UBE3B: variants seen among roughly 807,000 people sequenced by gnomAD.
The protein encoded by UBE3B is ubiquitin-protein ligase E3B.
Under a neutral mutation model 132.3 loss-of-function variants are expected in UBE3B, and 80 were observed. The ratio of observed to expected loss-of-function variants is 0.60; its 90% CI spans 0.50 to 0.73. The LOEUF is 0.73. Ranked by LOEUF, UBE3B falls within the 30% of genes least tolerant of loss-of-function variation. The pLI, the probability that UBE3B is intolerant of heterozygous loss-of-function variation, is 0.00. For synonymous variants in UBE3B, 487 were observed against 520.4 expected (o/e 0.94, Z 0.87); for missense variants, 1,196 against 1,362.5 (o/e 0.88, Z 1.92).
rs766063381 is a variant in UBE3B at position 109,501,388 on chromosome 12, A to G, written c.1136A>G (p.His379Arg). ...TCTCCTAGCCTTAACGAGTCAATGC[A>G]CTTGATCACCAAACAGCTGCAGTTC... is the stretch of plus-strand genomic sequence containing the variant. ...SVDYGLNESM[H>R]LITKQLQFLW... is the part of the protein sequence containing the mutation. Residue 379 changes from histidine to arginine, a missense_variant, in exon 13 of 28, where the codon CAC (histidine) becomes CGC (arginine). Transcript: ENST00000342494. The G allele has an allele frequency of 2.5e-6, 4 of 1,614,034 alleles. No homozygotes were observed. In the Admixed American group the frequency reaches 6.7e-5, roughly 27 times the overall value.
In UBE3B at chr12:109,497,798, G is replaced by A; in HGVS notation, c.714-20G>A. 3 of 1,613,584 alleles carry A rather than the reference G, an allele frequency of 1.9e-6. No homozygotes were observed. Among genetic ancestry groups the A allele is most frequent in the Non-Finnish European group, 2.5e-6 (3 of 1,179,598 alleles). On this transcript the variant is annotated intron_variant, in intron 9 of 27. Transcript: ENST00000342494. ...TGCACACGGAGACCTGTCTGAATGA[G>A]TGGATCTATCTGTGTCTAGCCCTGT...
the UBE3B span, among the ~76,000 whole-genome samples, chr12:109,546,831 T>A: frequency 6.6e-6 from 1 of 152,098 alleles, no homozygotes; most frequent in Admixed American, 6.6e-5. Context: ...CACCTCAGCC[T>A]CCCGAGTGGC....
chr12:109,501,281 C>A lies in UBE3B; in HGVS notation c.1119-90C>A. The A allele has an allele frequency of 1.1e-5, 16 of 1,521,632 alleles. No individual in the cohort carries two copies. The South Asian group carries it at 1.9e-4, about 18-fold the overall frequency. 94.3% of individuals were successfully genotyped at this position (1,521,632 alleles called of 1,614,324 possible). A position where few individuals can be genotyped will look rare whatever the true frequency, so the allele number is the denominator to read the frequency against. Reference sequence around the variant, plus strand: ...GAGTGCCAGGTCCTAGCTACAGCTCCGAGTGGAAGGCCATTAGGAACTGTG... The same window carrying A: ...GAGTGCCAGGTCCTAGCTACAGCTCAGAGTGGAAGGCCATTAGGAACTGTG... On this transcript the variant is annotated intron_variant, in intron 12 of 27. Coordinates refer to ENST00000342494, the MANE Select transcript of UBE3B (RefSeq NM_130466.4).
rs1319364619 is a variant in UBE3B at position 109,535,075 on chromosome 12, G to A, written c.*293G>A. On this transcript the variant is annotated 3_prime_UTR_variant, in exon 28 of 28. Coordinates refer to ENST00000342494, the MANE Select transcript of UBE3B (RefSeq NM_130466.4). ...CAGAGGGGCTTCTTTTAGCTAGTTT[G>A]ATCTTTTGGGAGTCTGTCTTTCCTT... 6 of 291,680 alleles carry A rather than the reference G, an allele frequency of 2.1e-5. No homozygotes were observed. The highest frequency in any genetic ancestry group is 1.3e-4 in the African/African-American group (6 of 46,244). 18.1% of individuals were successfully genotyped at this position (291,680 alleles called of 1,614,324 possible). A position where few individuals can be genotyped will look rare whatever the true frequency, so the allele number is the denominator to read the frequency against.
intron 24 of UBE3B, among the ~76,000 whole-genome samples, chr12:109,529,577 C>G (rs1176285733): frequency 2.6e-5 from 4 of 152,226 alleles, no homozygotes; most frequent in African/African-American, 9.6e-5. Flanking sequence ...GGGCCCTCTT[C>G]TTACGTGGGG....
intron 18 of UBE3B, among the ~76,000 whole-genome samples, chr12:109,511,927 T>A (rs1880420385): frequency 1.3e-5 from 2 of 151,746 alleles, no homozygotes; most frequent in African/African-American, 2.4e-5. Flanking sequence ...AGTCAAGAGA[T>A]TTTTAAGGAG....
At chr12:109,523,029 G>A (rs979145660) in intron 21 of UBE3B, among the ~76,000 whole-genome samples, 6 of 152,136 alleles carry the variant, frequency 3.9e-5, no homozygotes, top group African/African-American at 9.7e-5. Flanking sequence ...CCCAGGCCTC[G>A]CCTCTGTGTC....
chr12:109,512,596 G>A (rs952149761), intron 18 of UBE3B, among the ~76,000 whole-genome samples: 2 of 152,020 alleles, frequency 1.3e-5, no homozygotes, highest in Non-Finnish European at 2.9e-5. Flanking sequence ...TTTTTTTAAC[G>A]AAGTAGACAT....
downstream of UBE3B, among the ~76,000 whole-genome samples, chr12:109,541,682 A>G (rs1883615973): frequency 6.6e-6 from 1 of 152,156 alleles, no homozygotes; most frequent in Non-Finnish European, 1.5e-5. Context: ...ACGGAAATGT[A>G]TTCTCCTCGG....
chr12:109,537,831 C>T (rs1883510298), downstream of UBE3B, among the ~76,000 whole-genome samples: 1 of 152,120 alleles, frequency 6.6e-6, no homozygotes, highest in Non-Finnish European at 1.5e-5. Flanking sequence ...CAGCCTCCCA[C>T]ATAGCTGGGA....
intron 19 of UBE3B, chr12:109,517,884 A>G (rs1303571711): frequency 2.4e-6 from 1 of 423,902 alleles, no homozygotes; most frequent in Admixed American, 2.5e-5. Flanking sequence ...CCCTCGGTGC[A>G]TCGTACCTTG....
the UBE3B span, among the ~76,000 whole-genome samples, chr12:109,547,691 C>G: frequency 1.1e-3 from 173 of 152,288 alleles, no homozygotes; most frequent in African/African-American, 4.1e-3. The surrounding 1 kb of genome is among the most constrained non-coding windows in gnomAD (Gnocchi z 4.1). Context: ...TTTCCTTGAA[C>G]CCTCCCCCAA....
chr12:109,542,877 T>TC, the UBE3B span, among the ~76,000 whole-genome samples: 2 of 152,196 alleles, frequency 1.3e-5, no homozygotes, highest in Non-Finnish European at 2.9e-5. Context: ...GGTGCTTTGT[T>TC]CCGTCAGCCA....
chr12:109,543,330 C>T, the UBE3B span, among the ~76,000 whole-genome samples: 35 of 152,342 alleles, frequency 2.3e-4, no homozygotes, highest in Non-Finnish European at 3.8e-4. Context: ...GTGCCAGAAA[C>T]CAGCCTCATG....
rs972928648 is a variant in UBE3B at position 109,535,814 on chromosome 12, T to G, written c.*1032T>G. 3.3e-5 allele frequency: 5 copies of G among 149,446 alleles called. No individual in the cohort carries two copies. The highest frequency in any genetic ancestry group is 7.4e-5 in the African/African-American group (3 of 40,722). 9.3% of individuals were successfully genotyped at this position (149,446 alleles called of 1,614,324 possible). On this transcript the variant is annotated 3_prime_UTR_variant, in exon 28 of 28. Coordinates refer to ENST00000342494, the MANE Select transcript of UBE3B (RefSeq NM_130466.4). The stretch of plus-strand genomic sequence containing the variant: ...AGGCTCACACCCTCTGGGTTTTTTG[T>G]TTTTTTTTTAAACTTCATTTCTCTT...
At chr12:109,490,169 C>A (rs1323861730) in intron 8 of UBE3B, 165 bp downstream of exon 8, 3 of 884,218 alleles carry the variant, frequency 3.4e-6, no homozygotes, top group Non-Finnish European at 5.5e-6. Flanking sequence ...CCTTGTCTCA[C>A]TTGTGGGTCA....
intron 22 of UBE3B, 41 bp from the exon 23 acceptor site, chr12:109,524,397 G>C (rs569538291): frequency 6.2e-7 from 1 of 1,611,470 alleles, no homozygotes; most frequent in South Asian, 1.1e-5. Context: ...AGCACATAGT[G>C]CTCCATGGCC....
rs201336062 is a variant in UBE3B at position 109,486,580 on chromosome 12, CAAAAAAAAAAA to C, written c.447+18_447+28del. ...GATTTTCTCAAGCAGCTCAAGGTAA[CAAAAAAAAAAA>C]AAAAAAAAAAAAGCAAAACCAGAAA... is the stretch of plus-strand genomic sequence containing the variant. On this transcript the variant is annotated splice_donor_region_variant and intron_variant, in intron 6 of 27. Coordinates refer to ENST00000342494, the MANE Select transcript of UBE3B (RefSeq NM_130466.4). The C allele has an allele frequency of 5.7e-4, 321 of 562,472 alleles. No individual in the cohort carries two copies. The highest frequency in any genetic ancestry group is 2.0e-3 in the Middle Eastern group (3 of 1,532). 34.8% of individuals were successfully genotyped at this position (562,472 alleles called of 1,614,324 possible).
rs1018008933 is a variant in UBE3B, at chr12:109,536,600, T to C, written c.*1818T>C. Reference sequence around the variant, plus strand: ...TAACTGGTGTTCACTGACACCTTGATGGCTCTTGATGGCTCTAAAAAGTTG... The same window carrying C: ...TAACTGGTGTTCACTGACACCTTGACGGCTCTTGATGGCTCTAAAAAGTTG... On this transcript the variant is annotated 3_prime_UTR_variant, in exon 28 of 28. Transcript: ENST00000342494. 1 of 152,274 alleles carries C rather than the reference T, an allele frequency of 6.6e-6. No individual in the cohort carries two copies. The highest frequency in any genetic ancestry group is 2.4e-5 in the African/African-American group (1 of 41,478). The allele number at this position is 152,274 out of a possible 1,614,324, so 9.4% of individuals were successfully genotyped here. A position where few individuals can be genotyped will look rare whatever the true frequency, so the allele number is the denominator to read the frequency against.
Sources: gnomAD v4.1 joint callset for allele counts (sites outside exome capture counted in the v4.1 genomes callset) on GRCh38, gnomAD v4.1.1 for gene constraint, Gnocchi (gnomAD v3.1) non-coding constraint, MANE v1.5 for transcripts, NCBI Gene and HGNC (gene_info 2026-07-23, HGNC 2026-07-21) for gene names.